CNTN5: variants seen among roughly 807,000 people sequenced by gnomAD.
The protein encoded by CNTN5 is contactin 5, also known as contactin-5.
Under a neutral mutation model 129.1 loss-of-function variants are expected in CNTN5, and 77 were observed. The observed-to-expected ratio is 0.60, with a 90% CI of 0.50 to 0.72. The LOEUF (loss-of-function observed/expected upper bound fraction) is 0.72, where lower values mean the gene tolerates loss of function less well. CNTN5 is among the 30% of genes least tolerant of loss of function. The pLI, the probability that CNTN5 is intolerant of heterozygous loss-of-function variation, is 0.00. For missense variants in CNTN5, 1,478 were observed against 1,328.8 expected (o/e 1.11, Z -1.75); for synonymous variants, 509 against 465.6 (o/e 1.09, Z -1.20).
intron 3 of CNTN5, among the ~76,000 whole-genome samples, chr11:99,679,171 T>A (rs990282417): frequency 2.8e-5 from 4 of 143,044 alleles, no homozygotes; most frequent in African/African-American, 1.0e-4. Context: ...ATATAGGGAA[T>A]ATATATAAAT....
At chr11:99,399,909 A>G (rs975551459) in intron 2 of CNTN5, among the ~76,000 whole-genome samples, 12 of 151,886 alleles carry the variant, frequency 7.9e-5, no homozygotes, top group African/African-American at 2.9e-4. Flanking sequence ...GGAGTACATG[A>G]GATATTTGAT....
rs140923506 is a variant in CNTN5, at chr11:99,659,156, A to G, written c.55+102887A>G. Among the ~76,000 whole-genome samples the G allele has an allele frequency of 3.5e-3, 533 of 152,268 alleles. 6 individuals are homozygous for G. Among genetic ancestry groups the G allele is most frequent in the African/African-American group, 0.012 (514 of 41,566 alleles). On this transcript the variant is annotated intron_variant, in intron 3 of 24. Transcript: ENST00000524871. ...TTACTCTTTAAAATAAAAGTTGTAA[A>G]TACCAAGCTGGCAGCAGCCATATCC...
intron 3 of CNTN5, among the ~76,000 whole-genome samples, chr11:99,753,987 C>CAAAAAAAAA: frequency 8.0e-6 from 1 of 125,066 alleles, no homozygotes; most frequent in Non-Finnish European, 1.6e-5. Flanking sequence ...GGCACCCTGC[C>CAAAAAAAAA]AAAAAAAAAA....
intron 13 of CNTN5, among the ~76,000 whole-genome samples, chr11:100,110,295 G>A (rs994869954): frequency 5.3e-5 from 8 of 151,526 alleles, no homozygotes; most frequent in Non-Finnish European, 8.8e-5. Flanking sequence ...TAGCATTTAA[G>A]TAAATTGTAC....
At chr11:100,148,649 AT>A (rs1565287582) in intron 13 of CNTN5, among the ~76,000 whole-genome samples, 3 of 152,142 alleles carry the variant, frequency 2.0e-5, no homozygotes, top group Non-Finnish European at 4.4e-5. Context: ...TGTGAGATGC[AT>A]GAAGCCCCCG....
intron 7 of CNTN5, among the ~76,000 whole-genome samples, chr11:99,932,178 A>T (rs1024717560): frequency 6.6e-6 from 1 of 151,962 alleles, no homozygotes; most frequent in Non-Finnish European, 1.5e-5. Context: ...ACTTTTGTTG[A>T]AACGTGTATT....
intron 2 of CNTN5, among the ~76,000 whole-genome samples, chr11:99,526,373 C>A (rs1408474802): frequency 6.6e-6 from 1 of 152,214 alleles, no homozygotes; most frequent in Non-Finnish European, 1.5e-5. Context: ...CCATTCAATT[C>A]ATTGGATGAC....
At chr11:99,406,927 G>A (rs370114307) in intron 2 of CNTN5, among the ~76,000 whole-genome samples, 76 of 152,052 alleles carry the variant, frequency 5.0e-4, no homozygotes, top group African/African-American at 1.8e-3. Context: ...TGTCTAGCCT[G>A]GGACTCACCC....
intron 16 of CNTN5, among the ~76,000 whole-genome samples, chr11:100,240,972 T>C (rs1311965290): frequency 6.6e-6 from 1 of 152,228 alleles, no homozygotes; most frequent in Admixed American, 6.5e-5. Context: ...ATTTTCTTGA[T>C]GTTAGTCTGC....
At chr11:99,844,786 A>C in intron 4 of CNTN5, 66 bp from the exon 5 acceptor site, 1 of 1,491,364 alleles carries the variant, frequency 6.7e-7, no homozygotes, top group South Asian at 1.3e-5. Flanking sequence ...AAGATGGAAA[A>C]GAAAAAAACA....
chr11:99,552,435 A>G (rs939155284), intron 2 of CNTN5, among the ~76,000 whole-genome samples: 4 of 152,162 alleles, frequency 2.6e-5, no homozygotes, highest in Non-Finnish European at 5.9e-5. Flanking sequence ...AGACTAGTTT[A>G]ACCTCAGGCA....
chr11:99,357,996 T>C (rs1190893437), intron 2 of CNTN5, among the ~76,000 whole-genome samples: 7 of 148,790 alleles, frequency 4.7e-5, no homozygotes, highest in Non-Finnish European at 1.0e-4. Context: ...AGAGGGAGAC[T>C]CTGTCTCAAA....
At chr11:99,363,567 A>G (rs1939260243) in intron 2 of CNTN5, among the ~76,000 whole-genome samples, 1 of 152,068 alleles carries the variant, frequency 6.6e-6, no homozygotes, top group South Asian at 2.1e-4. Flanking sequence ...TGGGAACATG[A>G]TGTTCTCTAC....
At chr11:100,122,496 C>G (rs915178392) in intron 13 of CNTN5, among the ~76,000 whole-genome samples, 1 of 152,030 alleles carries the variant, frequency 6.6e-6, no homozygotes, top group South Asian at 2.1e-4. Flanking sequence ...AGTTCTCAAG[C>G]TATTTTTTTA....
At chr11:99,151,997 T>C (rs529341490) in intron 1 of CNTN5, among the ~76,000 whole-genome samples, 1 of 152,262 alleles carries the variant, frequency 6.6e-6, no homozygotes, top group Non-Finnish European at 1.5e-5. Context: ...TCTGTACTTG[T>C]ATCCCAGAAC....
chr11:99,907,990 G>C (rs1173568584), intron 6 of CNTN5, among the ~76,000 whole-genome samples: 1 of 152,110 alleles, frequency 6.6e-6, no homozygotes, highest in Admixed American at 6.6e-5. Flanking sequence ...AAAATTACAC[G>C]TTGAAAATTG....
chr11:100,252,651 GA>G (rs1429062311), intron 16 of CNTN5, among the ~76,000 whole-genome samples: 1 of 152,046 alleles, frequency 6.6e-6, no homozygotes, highest in African/African-American at 2.4e-5. Flanking sequence ...AATTTTTCCA[GA>G]ACCATTTATT....
At chr11:100,226,944 G>A (rs1949387375) in intron 16 of CNTN5, among the ~76,000 whole-genome samples, 1 of 151,988 alleles carries the variant, frequency 6.6e-6, no homozygotes, top group Non-Finnish European at 1.5e-5. Flanking sequence ...ATATGCCACA[G>A]GACCAAAGTT....
intron 13 of CNTN5, among the ~76,000 whole-genome samples, chr11:100,149,604 T>G (rs1295288390): frequency 6.6e-6 from 1 of 152,132 alleles, no homozygotes; most frequent in Non-Finnish European, 1.5e-5. Flanking sequence ...ATTAGGAATC[T>G]CATGGGGGCC....
Sources: gnomAD v4.1 joint callset for allele counts (sites outside exome capture counted in the v4.1 genomes callset) on GRCh38, gnomAD v4.1.1 for gene constraint, MANE v1.5 for transcripts, NCBI Gene and HGNC (gene_info 2026-07-23, HGNC 2026-07-21) for gene names.